Variants in MCF2L observed in about 807,000 individuals in gnomAD.
MCF2L encodes MCF.2 cell line derived transforming sequence like, also known as guanine nucleotide exchange factor DBS.
MCF2L carries 97 observed loss-of-function variants against 153.4 expected under a neutral mutation model. The ratio of observed to expected loss-of-function variants is 0.63; its 90% confidence interval spans 0.54 to 0.75. MCF2L has a LOEUF of 0.75. MCF2L is among the 30% of genes least tolerant of loss of function. The pLI is 0.00. For synonymous variants in MCF2L, 659 were observed against 632.2 expected (o/e 1.04, Z -0.64); for missense variants, 1,347 against 1,495.2 (o/e 0.90, Z 1.64).
chr13:113,079,814 T>TCCACACA lies in MCF2L; in HGVS notation c.1808+1075_1808+1076insCCACACA, dbSNP rs2033914872. ...AGGAGGGTCCAGGCAGAGGAATGTC[T>TCCACACA]GAATGGAGGAGGGTCCAGGCAGAGG... On this transcript the variant is annotated intron_variant, in intron 15 of 29. Transcript: ENST00000535094. 4.1e-4 allele frequency among the ~76,000 whole-genome samples: 27 copies of TCCACACA among 65,366 alleles called. 6 individuals carry two copies. The highest frequency in any genetic ancestry group is 1.2e-3 in the African/African-American group (21 of 17,954). The allele number at this position is 65,366 out of a possible 152,430, so 42.9% of individuals were successfully genotyped here. A position where few individuals can be genotyped will look rare whatever the true frequency, so the allele number is the denominator to read the frequency against.
intron 1 of MCF2L, among the ~76,000 whole-genome samples, chr13:112,976,655 G>T (rs1037205375): frequency 7.2e-5 from 11 of 152,314 alleles, no homozygotes; most frequent in Middle Eastern, 6.8e-3. Flanking sequence ...TTCACCAAAG[G>T]TGCCTCCACC....
intron 1 of MCF2L, chr13:112,979,365 C>T: frequency 1.5e-6 from 2 of 1,324,912 alleles, no homozygotes; most frequent in Non-Finnish European, 1.9e-6. Context: ...AGCACCTCGG[C>T]ATTGTCTGCC....
At chr13:112,982,397 A>G (rs929128761) in intron 1 of MCF2L, among the ~76,000 whole-genome samples, 1 of 152,190 alleles carries the variant, frequency 6.6e-6, no homozygotes, top group African/African-American at 2.4e-5. Context: ...TGCGGACTGC[A>G]GGAAGCCACA....
chr13:113,052,054 A>G (rs1339374006), intron 4 of MCF2L, among the ~76,000 whole-genome samples: 1 of 152,188 alleles, frequency 6.6e-6, no homozygotes, highest in Non-Finnish European at 1.5e-5. Flanking sequence ...AAAAGAATCC[A>G]TTTTAAATGT....
At chr13:113,044,588 G>T (rs544440760) in intron 3 of MCF2L, 4 of 1,545,468 alleles carry the variant, frequency 2.6e-6, no homozygotes, top group South Asian at 1.2e-5. Context: ...CTGGCATCAC[G>T]CAATTGGCTT....
rs2086130060 is a variant in MCF2L at position 113,035,980 on chromosome 13, C to T, written c.279-9291C>T. On this transcript the variant is annotated intron_variant, in intron 3 of 29. Coordinates refer to ENST00000535094, the MANE Select transcript of MCF2L (RefSeq NM_001112732.3). The surrounding 1 kb of genome is among the most constrained non-coding windows in gnomAD (Gnocchi z 4.4). ...CAGGTAGAGTATCATCTCCGTGGTACAGCAGGGGCCTGAGGGATGTTTGGC... is the reference window on the plus strand; with the variant it reads ...CAGGTAGAGTATCATCTCCGTGGTATAGCAGGGGCCTGAGGGATGTTTGGC... 1.3e-5 allele frequency among the ~76,000 whole-genome samples: 2 copies of T among 152,120 alleles called. No homozygotes were observed. The highest frequency in any genetic ancestry group is 4.8e-5 in the African/African-American group (2 of 41,418).
rs1389554838 is a variant in MCF2L at position 113,094,502 on chromosome 13, T to C, written c.2954-12T>C. On this transcript the variant is annotated splice_polypyrimidine_tract_variant and intron_variant, in intron 26 of 29. Coordinates refer to ENST00000535094, the MANE Select transcript of MCF2L (RefSeq NM_001112732.3). ...CACCGGGGGGTCCCTCACGGGTGTC[T>C]GTCTCTCTTAGGTTGGAGCAAAACG... 3 of 1,604,676 alleles carry C rather than the reference T, an allele frequency of 1.9e-6. No individual in the cohort carries two copies. The Admixed American group carries it at 5.1e-5, about 27-fold the overall frequency.
intron 4 of MCF2L, among the ~76,000 whole-genome samples, chr13:113,047,695 G>A (rs887275003): frequency 2.6e-5 from 4 of 152,208 alleles, no homozygotes; most frequent in Non-Finnish European, 5.9e-5. Flanking sequence ...ATGCCCGTGG[G>A]GTCCAGGCAC....
At position 113,015,441 on chromosome 13, in the gene MCF2L, G is replaced by T. The variant is rs112824253; in HGVS notation, c.163+595G>T. Among the ~76,000 whole-genome samples the T allele has an allele frequency of 1.4e-4, 21 of 152,232 alleles. 1 individual carries two copies. Among genetic ancestry groups the T allele is most frequent in the African/African-American group, 4.6e-4 (19 of 41,544 alleles). On this transcript the variant is annotated intron_variant, in intron 2 of 29. Transcript: ENST00000535094. Reference sequence around the variant, plus strand: ...CATGCCCACCCTGGGCCATCAGGGTGCCCCGATGCTGAGGAGGGTGCCCCG... The same window carrying T: ...CATGCCCACCCTGGGCCATCAGGGTTCCCCGATGCTGAGGAGGGTGCCCCG...
intron 2 of MCF2L, among the ~76,000 whole-genome samples, chr13:112,931,572 C>T (rs141901053): frequency 8.3e-4 from 126 of 152,280 alleles, no homozygotes; most frequent in Non-Finnish European, 9.7e-4. Flanking sequence ...TAGCACACGC[C>T]TGCCTCTCCT....
intron 1 of MCF2L, among the ~76,000 whole-genome samples, chr13:112,971,413 C>T (rs532716316): frequency 5.3e-5 from 8 of 152,266 alleles, no homozygotes; most frequent in South Asian, 4.1e-4. Context: ...ACTGATGTGG[C>T]GGCTGGTGTA....
chr13:113,007,381 C>T (rs536063652), intron 1 of MCF2L, among the ~76,000 whole-genome samples: 76 of 152,342 alleles, frequency 5.0e-4, no homozygotes, highest in African/African-American at 1.6e-3. Context: ...GGGGGTCTAA[C>T]CCCTGACCCC....
chr13:112,923,511 G>A (rs2081374477), intron 2 of MCF2L, among the ~76,000 whole-genome samples: 1 of 152,034 alleles, frequency 6.6e-6, no homozygotes, highest in South Asian at 2.1e-4. Flanking sequence ...TGATCTACCT[G>A]CCTCGGCCTC....
intron 3 of MCF2L, among the ~76,000 whole-genome samples, chr13:113,039,950 C>T (rs893653739): frequency 6.6e-6 from 1 of 152,156 alleles, no homozygotes; most frequent in Admixed American, 6.5e-5. Context: ...AGCTCATTGT[C>T]TTATGTTCAG....
intron 1 of MCF2L, among the ~76,000 whole-genome samples, chr13:112,996,845 C>T (rs2083156798): frequency 6.6e-6 from 1 of 152,220 alleles, no homozygotes; most frequent in Non-Finnish European, 1.5e-5. Flanking sequence ...GTGTTGTCTG[C>T]ATCTGTGCAC....
At chr13:112,924,262 A>G (rs1276892689) in intron 2 of MCF2L, among the ~76,000 whole-genome samples, 1 of 152,118 alleles carries the variant, frequency 6.6e-6, no homozygotes, top group Admixed American at 6.5e-5. Flanking sequence ...CCCCACACGC[A>G]GCTGGGCTAC....
chr13:112,955,172 C>A (rs1431187000), intron 2 of MCF2L, among the ~76,000 whole-genome samples: 3 of 152,140 alleles, frequency 2.0e-5, no homozygotes, highest in Non-Finnish European at 4.4e-5. Context: ...GAGGTGGGGA[C>A]CCCGTCCCAT....
At chr13:113,078,090 CCACCT>C (rs2033693429) in intron 13 of MCF2L, among the ~76,000 whole-genome samples, 2 of 147,310 alleles carry the variant, frequency 1.4e-5, no homozygotes, top group Non-Finnish European at 3.0e-5. Flanking sequence ...GCCCACGCCA[CCACCT>C]GTGGCCTCAG....
At chr13:113,048,737 C>T (rs930958574) in intron 4 of MCF2L, among the ~76,000 whole-genome samples, 2 of 152,192 alleles carry the variant, frequency 1.3e-5, no homozygotes, top group African/African-American at 2.4e-5. Context: ...CCACCGCGCC[C>T]GGCTTATGGT....
Sources: allele counts gnomAD v4.1 joint callset (sites outside exome capture counted in the v4.1 genomes callset), GRCh38; gene constraint gnomAD v4.1.1; non-coding constraint Gnocchi (gnomAD v3.1); transcripts MANE v1.5; gene names NCBI Gene and HGNC (gene_info 2026-07-23, HGNC 2026-07-21).